Variants in TMEM108 observed in about 807,000 individuals in gnomAD.
TMEM108 encodes the protein transmembrane protein 108, also known as cancer/testis antigen 124.
In TMEM108, 12 loss-of-function variants were observed where a neutral mutation model predicts 35.1. That is an observed-to-expected ratio of 0.34 (90% CI 0.22 to 0.55). The LOEUF is 0.55. Among genes scored for constraint, TMEM108 ranks in the 20% least tolerant of loss-of-function variants. The probability of loss-of-function intolerance (pLI) is 0.89; values close to 1 mark genes in which losing one functional copy is unlikely to be tolerated. For synonymous variants in TMEM108, 287 were observed against 308.6 expected, an observed-to-expected ratio of 0.93 and a Z score of 0.73; for missense variants, 680 against 753.3, an observed-to-expected ratio of 0.90 and a Z score of 1.14.
At position 133,298,793 on chromosome 3, in the gene TMEM108, C is replaced by T. The variant is rs558320977; in HGVS notation, c.40+69442C>T. Among the ~76,000 whole-genome samples, 8 of 152,280 alleles carry T rather than the reference C, an allele frequency of 5.3e-5. No homozygotes were observed. The South Asian group carries it at 1.5e-3, about 28-fold the overall frequency. On this transcript the variant is annotated intron_variant, in intron 3 of 5. Transcript: ENST00000321871. ...GTGTGCTCAGCTGTGCTCATAACCA[C>T]TATGCTATGCTGGCATTTTATTTAA...
At chr3:133,354,706 A>G (rs2072109203) in intron 3 of TMEM108, among the ~76,000 whole-genome samples, 1 of 152,148 alleles carries the variant, frequency 6.6e-6, no homozygotes, top group South Asian at 2.1e-4. Context: ...AACAGAACCC[A>G]GCAAGCCCAG....
intron 2 of TMEM108, among the ~76,000 whole-genome samples, chr3:133,191,597 C>A (rs1195314712): frequency 6.6e-6 from 1 of 152,184 alleles, no homozygotes; most frequent in Admixed American, 6.5e-5. Context: ...CTATCTGGAA[C>A]TCTGCCAGTT....
At chr3:133,196,171 A>G (rs1559864448) in intron 2 of TMEM108, among the ~76,000 whole-genome samples, 2 of 152,138 alleles carry the variant, frequency 1.3e-5, no homozygotes, top group Admixed American at 1.3e-4. Context: ...CTGTGTTCTA[A>G]TTGGAGCAGC....
At chr3:133,296,703 G>C (rs562039710) in intron 3 of TMEM108, among the ~76,000 whole-genome samples, 1 of 152,108 alleles carries the variant, frequency 6.6e-6, no homozygotes, top group Non-Finnish European at 1.5e-5. Context: ...AGTAGGACAG[G>C]GGGGACTTGG....
intron 3 of TMEM108, among the ~76,000 whole-genome samples, chr3:133,284,503 C>T (rs954524948): frequency 1.3e-5 from 2 of 152,172 alleles, no homozygotes; most frequent in Admixed American, 6.5e-5. Flanking sequence ...CTTCAAATGG[C>T]CACCTTCACT....
At chr3:133,359,679 C>G (rs1281847426) in intron 3 of TMEM108, among the ~76,000 whole-genome samples, 1 of 152,184 alleles carries the variant, frequency 6.6e-6, no homozygotes, top group African/African-American at 2.4e-5. Flanking sequence ...TGCCAATATA[C>G]TTTATTACCT....
At chr3:133,162,399 T>A (rs1944973991) in intron 2 of TMEM108, among the ~76,000 whole-genome samples, 1 of 152,216 alleles carries the variant, frequency 6.6e-6, no homozygotes, top group Non-Finnish European at 1.5e-5. Context: ...AAGAACATGA[T>A]ACTAGTCAGC....
intron 3 of TMEM108, among the ~76,000 whole-genome samples, chr3:133,377,618 C>T (rs1273017351): frequency 6.6e-6 from 1 of 152,206 alleles, no homozygotes; most frequent in Non-Finnish European, 1.5e-5. Flanking sequence ...AGCATGAAAG[C>T]CTGGGCCAGG....
At chr3:133,376,444 T>G (rs1462080022) in intron 3 of TMEM108, among the ~76,000 whole-genome samples, 1 of 152,168 alleles carries the variant, frequency 6.6e-6, no homozygotes, top group East Asian at 1.9e-4. Flanking sequence ...CCCCGGGCCC[T>G]TAATTTTAAC....
intron 3 of TMEM108, among the ~76,000 whole-genome samples, chr3:133,308,900 CTT>C (rs1307699164): frequency 6.6e-6 from 1 of 152,160 alleles, no homozygotes; most frequent in Non-Finnish European, 1.5e-5. Context: ...AGGATTCTCT[CTT>C]TTTCTATTGA....
At chr3:133,095,774 GCT>G (rs1944005087) in intron 2 of TMEM108, among the ~76,000 whole-genome samples, 1 of 152,162 alleles carries the variant, frequency 6.6e-6, no homozygotes, top group African/African-American at 2.4e-5. Context: ...ATGGGGAGCA[GCT>G]GTAAGTACAG....
At chr3:133,317,577 A>G (rs758070997) in intron 3 of TMEM108, among the ~76,000 whole-genome samples, 1 of 150,432 alleles carries the variant, frequency 6.6e-6, no homozygotes, top group Non-Finnish European at 1.5e-5. Flanking sequence ...GAAAATAAGC[A>G]GAATAGAAAT....
At chr3:133,087,177 AC>A (rs1943894735) in intron 2 of TMEM108, among the ~76,000 whole-genome samples, 1 of 152,192 alleles carries the variant, frequency 6.6e-6, no homozygotes, top group Admixed American at 6.5e-5. Flanking sequence ...ATGTCCTCCG[AC>A]TTTGACTCTG....
At chr3:133,078,169 GCGCGCACA>G (rs1489516553) in intron 2 of TMEM108, among the ~76,000 whole-genome samples, 137 of 42,272 alleles carry the variant, frequency 3.2e-3, no homozygotes, top group African/African-American at 0.012. Flanking sequence ...GCACGCGCGC[GCGCGCACA>G]CGTGTGTGTG....
intron 2 of TMEM108, among the ~76,000 whole-genome samples, chr3:133,207,966 A>C (rs1056283279): frequency 1.3e-5 from 2 of 152,118 alleles, no homozygotes; most frequent in Non-Finnish European, 2.9e-5. Flanking sequence ...ATTGAAAGGG[A>C]CCTTGGAGAT....
intron 2 of TMEM108, among the ~76,000 whole-genome samples, chr3:133,148,002 G>A (rs1451090400): frequency 6.6e-6 from 1 of 152,118 alleles, no homozygotes; most frequent in African/African-American, 2.4e-5. Context: ...AGAAATATCA[G>A]TATGAACTCC....
At chr3:133,050,981 T>C (rs1943397830) in intron 2 of TMEM108, among the ~76,000 whole-genome samples, 1 of 151,668 alleles carries the variant, frequency 6.6e-6, no homozygotes, top group Admixed American at 6.6e-5. Flanking sequence ...TGTGCGAGTT[T>C]TTTTTTTTTT....
At chr3:133,386,907 G>GA (rs1264276333) in intron 4 of TMEM108, 1 of 742,692 alleles carries the variant, frequency 1.3e-6, no homozygotes, top group African/African-American at 1.9e-5. Context: ...TACCTGTTCT[G>GA]AAAATGGGAA....
intron 2 of TMEM108, among the ~76,000 whole-genome samples, chr3:133,074,939 A>G (rs1242753092): frequency 1.1e-4 from 16 of 152,190 alleles, no homozygotes; most frequent in Admixed American, 9.2e-4. Flanking sequence ...GGGACCATCC[A>G]TACATCTTTT....
Sources: gnomAD v4.1 joint callset for allele counts (sites outside exome capture counted in the v4.1 genomes callset) on GRCh38, gnomAD v4.1.1 for gene constraint, MANE v1.5 for transcripts, NCBI Gene and HGNC (gene_info 2026-07-23, HGNC 2026-07-21) for gene names.